TMTC2: variants seen among roughly 807,000 people sequenced by gnomAD.
TMTC2 encodes protein O-mannosyl-transferase TMTC2.
Under a neutral mutation model 82.4 loss-of-function variants are expected in TMTC2, and 43 were observed. That is an observed-to-expected ratio of 0.52 (90% CI 0.41 to 0.67). The LOEUF is 0.67. Ranked by LOEUF, TMTC2 falls within the 30% of genes least tolerant of loss-of-function variation. The pLI is 0.00. For synonymous variants in TMTC2, 408 were observed against 381.9 expected (o/e 1.07, Z -0.80); for missense variants, 919 against 1,012.4 (o/e 0.91, Z 1.25).
At chr12:82,771,059 T>G (rs951687251) in intron 1 of TMTC2, among the ~76,000 whole-genome samples, 1 of 151,888 alleles carries the variant, frequency 6.6e-6, no homozygotes, top group Non-Finnish European at 1.5e-5. Context: ...ATACAAAAAT[T>G]AGCCAGGCAT....
At chr12:83,105,231 T>C (rs1170471430) in intron 11 of TMTC2, among the ~76,000 whole-genome samples, 1 of 152,214 alleles carries the variant, frequency 6.6e-6, no homozygotes, top group Non-Finnish European at 1.5e-5. Context: ...TCCTGTCCTT[T>C]TCTGAGTCCT....
chr12:82,958,679 C>A (rs187387763), intron 4 of TMTC2, among the ~76,000 whole-genome samples: 2 of 152,086 alleles, frequency 1.3e-5, no homozygotes, highest in Non-Finnish European at 2.9e-5. Flanking sequence ...AGGGAACAAA[C>A]CTCAACATAT....
chr12:82,915,026 T>G (rs922419479), intron 3 of TMTC2, among the ~76,000 whole-genome samples: 3 of 152,020 alleles, frequency 2.0e-5, no homozygotes, highest in Admixed American at 1.3e-4. Flanking sequence ...TGTTTCTCCA[T>G]GTTGGTCAGG....
At chr12:82,885,735 G>C (rs1873065478) in intron 2 of TMTC2, among the ~76,000 whole-genome samples, 1 of 152,066 alleles carries the variant, frequency 6.6e-6, no homozygotes, top group Non-Finnish European at 1.5e-5. Flanking sequence ...ATCATAACAA[G>C]GGTACATACT....
At chr12:83,129,108 A>T (rs1885184046) in intron 11 of TMTC2, among the ~76,000 whole-genome samples, 1 of 152,206 alleles carries the variant, frequency 6.6e-6, no homozygotes, top group African/African-American at 2.4e-5. Flanking sequence ...TAGGTTTTTG[A>T]AATAAAAAAT....
chr12:83,102,396 C>G (rs1260682044), intron 11 of TMTC2, among the ~76,000 whole-genome samples: 2 of 152,144 alleles, frequency 1.3e-5, no homozygotes, highest in Non-Finnish European at 1.5e-5. Context: ...AAATTCCTTC[C>G]TTCTCATTTT....
intron 1 of TMTC2, among the ~76,000 whole-genome samples, chr12:82,828,997 A>G (rs1869598687): frequency 6.6e-6 from 1 of 152,190 alleles, no homozygotes; most frequent in African/African-American, 2.4e-5. Flanking sequence ...CTGAATTATA[A>G]TAATGTGAGT....
chr12:82,748,553 C>G (rs987596089), intron 1 of TMTC2, among the ~76,000 whole-genome samples: 1 of 151,888 alleles, frequency 6.6e-6, no homozygotes, highest in African/African-American at 2.4e-5. Context: ...AAGAGGTACT[C>G]CCTAAGCAAA....
At position 82,880,961 on chromosome 12, in the gene TMTC2, T is replaced by G. The variant is rs372317761; in HGVS notation, c.655-14857T>G. On this transcript the variant is annotated intron_variant, in intron 2 of 11. Coordinates refer to ENST00000321196, the MANE Select transcript of TMTC2 (RefSeq NM_152588.3). ...CTGAAAGAATTATCCAAGTGTGTTTTGAAGACTCATGAGAGATTTTTACAG... is the reference window on the plus strand; with the variant it reads ...CTGAAAGAATTATCCAAGTGTGTTTGGAAGACTCATGAGAGATTTTTACAG... Among the ~76,000 whole-genome samples the G allele has an allele frequency of 8.3e-4, 126 of 152,314 alleles. 2 individuals are homozygous for G. The highest frequency in any genetic ancestry group is 3.0e-3 in the African/African-American group (124 of 41,576).
intron 1 of TMTC2, among the ~76,000 whole-genome samples, chr12:82,850,836 T>A (rs1238905200): frequency 6.8e-6 from 1 of 146,016 alleles, no homozygotes; most frequent in Non-Finnish European, 1.5e-5. Flanking sequence ...GAGGCTGAGG[T>A]GGGCAGATCA....
chr12:82,881,262 A>G (rs1872810736), intron 2 of TMTC2, among the ~76,000 whole-genome samples: 1 of 152,240 alleles, frequency 6.6e-6, no homozygotes, highest in Non-Finnish European at 1.5e-5. Flanking sequence ...ATTCAAATGG[A>G]GAATGAATAC....
At chr12:82,731,159 G>A (rs1874790406) in intron 1 of TMTC2, among the ~76,000 whole-genome samples, 1 of 152,218 alleles carries the variant, frequency 6.6e-6, no homozygotes, top group Non-Finnish European at 1.5e-5. Context: ...CTTTGCAAAT[G>A]TGCATTGTCT....
chr12:83,117,788 A>G (rs1169013824), intron 11 of TMTC2, among the ~76,000 whole-genome samples: 3 of 152,194 alleles, frequency 2.0e-5, no homozygotes, highest in Admixed American at 6.5e-5. Flanking sequence ...ATCCATGAGC[A>G]TGAGACGTAT....
chr12:83,067,905 A>G (rs1311621416), intron 11 of TMTC2, among the ~76,000 whole-genome samples: 1 of 152,094 alleles, frequency 6.6e-6, no homozygotes, highest in African/African-American at 2.4e-5. Flanking sequence ...AAAGGAGAAT[A>G]TCTTTCAAGG....
intron 11 of TMTC2, among the ~76,000 whole-genome samples, chr12:83,090,877 G>A (rs1517823): frequency 6.6e-6 from 1 of 152,130 alleles, no homozygotes; most frequent in Admixed American, 6.5e-5. Flanking sequence ...AGCCATATCA[G>A]GCATAAACGA....
intron 8 of TMTC2, among the ~76,000 whole-genome samples, chr12:83,001,993 A>G (rs907734529): frequency 6.6e-6 from 1 of 152,218 alleles, no homozygotes; most frequent in African/African-American, 2.4e-5. Context: ...TGCTGGCTTC[A>G]TAGAATGAGT....
intron 1 of TMTC2, among the ~76,000 whole-genome samples, chr12:82,736,119 A>T (rs1206697026): frequency 6.6e-6 from 1 of 152,190 alleles, no homozygotes; most frequent in Non-Finnish European, 1.5e-5. Context: ...TTTAGGGACC[A>T]TAGGAAATGA....
chr12:82,808,202 A>G (rs1033095006), intron 1 of TMTC2, among the ~76,000 whole-genome samples: 28 of 152,008 alleles, frequency 1.8e-4, no homozygotes, highest in Non-Finnish European at 3.4e-4. Flanking sequence ...CTCACAGTAA[A>G]AATTATTAGC....
chr12:82,959,799 T>G lies in TMTC2; in HGVS notation c.1599-5225T>G, dbSNP rs528953575. On this transcript the variant is annotated intron_variant, in intron 4 of 11. Transcript: ENST00000321196. ...TTCTGACCAAGTCCTCAGAAGACATTGCAACAAAAACAAAAATTAACAAGC... is the reference window on the plus strand; with the variant it reads ...TTCTGACCAAGTCCTCAGAAGACATGGCAACAAAAACAAAAATTAACAAGC... Among the ~76,000 whole-genome samples, 19 of 151,968 alleles carry G rather than the reference T, an allele frequency of 1.3e-4. 1 individual carries two copies. In the South Asian group the frequency reaches 3.3e-3, roughly 27 times the overall value.
Sources: allele counts gnomAD v4.1 joint callset (sites outside exome capture counted in the v4.1 genomes callset), GRCh38; gene constraint gnomAD v4.1.1; transcripts MANE v1.5; gene names NCBI Gene and HGNC (gene_info 2026-07-23, HGNC 2026-07-21).